Variants in DENND4C observed in about 807,000 individuals in gnomAD.
The protein encoded by DENND4C is DENN domain-containing protein 4C.
In DENND4C, 108 loss-of-function variants were observed where a neutral mutation model predicts 203.0. The observed-to-expected ratio is 0.53, with a 90% CI of 0.46 to 0.62. The LOEUF is 0.62. DENND4C is among the 20% of genes least tolerant of loss of function. The probability of loss-of-function intolerance (pLI) is 0.00; values close to 1 mark genes in which losing one functional copy is unlikely to be tolerated. For synonymous variants in DENND4C, 871 were observed against 792.4 expected (o/e 1.10, Z -1.67); for missense variants, 2,481 against 2,301.2 (o/e 1.08, Z -1.60).
intron 1 of DENND4C, among the ~76,000 whole-genome samples, chr9:19,231,416 A>G (rs1031104819): frequency 7.2e-5 from 11 of 152,036 alleles, no homozygotes; most frequent in Non-Finnish European, 1.6e-4. Flanking sequence ...TTTGTCGGGG[A>G]TGACTTTCTA....
chr9:19,252,923 G>C (rs778010789), intron 1 of DENND4C, among the ~76,000 whole-genome samples: 5 of 152,138 alleles, frequency 3.3e-5, no homozygotes, highest in Non-Finnish European at 7.3e-5. Flanking sequence ...TTTTAGTAGA[G>C]ATGGGGTTTT....
In DENND4C at chr9:19,359,356, C is replaced by T. The variant is rs932852685; in HGVS notation, c.5161-888C>T. On this transcript the variant is annotated intron_variant, in intron 28 of 32. Coordinates refer to ENST00000434457, the MANE Select transcript of DENND4C (RefSeq NM_001330640.2). Reference sequence around the variant, plus strand: ...TCAGCCTCCCTAATAACTGGAACCACAGGCACACACTACCATGCCTTAAAC... The same window carrying T: ...TCAGCCTCCCTAATAACTGGAACCATAGGCACACACTACCATGCCTTAAAC... Among the ~76,000 whole-genome samples, 10 of 151,812 alleles carry T rather than the reference C, an allele frequency of 6.6e-5. 1 individual carries two copies. The highest frequency in any genetic ancestry group is 2.4e-4 in the African/African-American group (10 of 41,104).
chr9:19,341,241 G>A (rs564680325), intron 21 of DENND4C, 127 bp downstream of exon 21: 2 of 674,922 alleles, frequency 3.0e-6, no homozygotes, highest in Admixed American at 7.7e-5. Flanking sequence ...CTAAGATGCT[G>A]TGTACTGTTA....
chr9:19,256,433 C>T (rs977678973), intron 1 of DENND4C, among the ~76,000 whole-genome samples: 8 of 150,872 alleles, frequency 5.3e-5, no homozygotes, highest in South Asian at 2.1e-4. Context: ...TCTCCTGTCG[C>T]AGCCTCCCGA....
At chr9:19,239,472 T>G (rs902841562) in intron 1 of DENND4C, among the ~76,000 whole-genome samples, 1 of 148,438 alleles carries the variant, frequency 6.7e-6, no homozygotes, top group Non-Finnish European at 1.5e-5. Flanking sequence ...TTTATATTCT[T>G]TTTTTTTTTT....
In DENND4C at chr9:19,315,608, TAC is replaced by T. The variant is rs539319961; in HGVS notation, c.1488-799_1488-798del. ...ATATATGTATGTGTGTGTATATATATACACACACACATATATTTTATATTTTC... is the reference window on the plus strand; with the variant it reads ...ATATATGTATGTGTGTGTATATATATACACACACATATATTTTATATTTTC... On this transcript the variant is annotated intron_variant, in intron 10 of 32. Coordinates refer to ENST00000434457, the MANE Select transcript of DENND4C (RefSeq NM_001330640.2). 2.9e-3 allele frequency among the ~76,000 whole-genome samples: 438 copies of T among 151,302 alleles called. 1 individual carries two copies. The highest frequency in any genetic ancestry group is 9.8e-3 in the African/African-American group (405 of 41,264).
chr9:19,283,114 A>C (rs1834456254), intron 2 of DENND4C, among the ~76,000 whole-genome samples: 1 of 151,882 alleles, frequency 6.6e-6, no homozygotes, highest in Non-Finnish European at 1.5e-5. Context: ...GCAATTCTGC[A>C]TTGGCCCCTT....
At chr9:19,260,365 T>C (rs1829044283) in intron 1 of DENND4C, among the ~76,000 whole-genome samples, 2 of 89,304 alleles carry the variant, frequency 2.2e-5, no homozygotes, top group South Asian at 7.5e-4. Context: ...TGTCCTTATA[T>C]GTTCTGGTTA....
intron 1 of DENND4C, among the ~76,000 whole-genome samples, chr9:19,270,684 A>C (rs2130820943): frequency 6.6e-6 from 1 of 152,252 alleles, no homozygotes; most frequent in African/African-American, 2.4e-5. Flanking sequence ...TCTATTGGTC[A>C]TTTGGGTATC....
At position 19,331,353 on chromosome 9, in the gene DENND4C, C is replaced by A. The variant is rs189322124; in HGVS notation, c.2254-625C>A. On this transcript the variant is annotated intron_variant, in intron 16 of 32. Coordinates refer to ENST00000434457, the MANE Select transcript of DENND4C (RefSeq NM_001330640.2). The stretch of plus-strand genomic sequence containing the variant: ...GAGTAGCTGGGACCACAGGCACATG[C>A]CACCATGCGCGGCTAATTTTTGTAT... 2.6e-5 allele frequency among the ~76,000 whole-genome samples: 4 copies of A among 152,050 alleles called. No individual in the cohort carries two copies. In the East Asian group the frequency reaches 5.9e-4, roughly 22 times the overall value.
chr9:19,262,448 CTTTT>C (rs59268086), intron 1 of DENND4C, among the ~76,000 whole-genome samples: 1 of 134,156 alleles, frequency 7.5e-6, no homozygotes. Flanking sequence ...TATATCATAT[CTTTT>C]TTTTTTTTTG....
intron 5 of DENND4C, among the ~76,000 whole-genome samples, chr9:19,295,371 G>T (rs1384508169): frequency 6.6e-6 from 1 of 152,194 alleles, no homozygotes; most frequent in Non-Finnish European, 1.5e-5. Flanking sequence ...TAGGTGTGGT[G>T]GTGGGCGCCT....
At chr9:19,235,888 G>C (rs1013573873) in intron 1 of DENND4C, among the ~76,000 whole-genome samples, 2 of 152,002 alleles carry the variant, frequency 1.3e-5, no homozygotes, top group Non-Finnish European at 2.9e-5. Flanking sequence ...GTGAGCCACT[G>C]CGCCTGGCCA....
chr9:19,261,464 T>TA (rs397893903), intron 1 of DENND4C, among the ~76,000 whole-genome samples: 59 of 149,952 alleles, frequency 3.9e-4, no homozygotes, highest in South Asian at 2.1e-4. Flanking sequence ...TTTTTTTTTT[T>TA]AAACAACTTT....
intron 27 of DENND4C, chr9:19,357,702 G>T: frequency 3.1e-6 from 1 of 325,542 alleles, no homozygotes; most frequent in Non-Finnish European, 5.6e-6. Flanking sequence ...GCAACTGAAT[G>T]GGTACTTTGT....
intron 10 of DENND4C, among the ~76,000 whole-genome samples, chr9:19,310,512 G>T (rs561655747): frequency 6.6e-6 from 1 of 152,340 alleles, no homozygotes; most frequent in East Asian, 1.9e-4. Context: ...GACAGAGACT[G>T]TATGGTCCTT....
Position 19,298,097 on chromosome 9 carries a change from C to T in DENND4C, c.1082C>T (p.Pro361Leu), listed in dbSNP as rs547547898. The change falls in exon 7 of 33, where the codon CCA becomes CTA. Residue 361 changes from proline to leucine, a missense_variant. Around this residue, in one of 3 missense-constraint regions of DENND4C, gnomAD observed 2,289 missense variants for 2,113.3 expected, o/e 1.08. Transcript: ENST00000434457. ...HFMQNIPFPS[P>L]QRPRILVQLS... ...ATGCAAAACATCCCTTTTCCTTCAC[C>T]ACAAAGACCGAGAATCCTTGTCCAG... The T allele has an allele frequency of 1.2e-6, 2 of 1,609,262 alleles. No individual in the cohort carries two copies. Among genetic ancestry groups the T allele is most frequent in the Admixed American group, 1.7e-5 (1 of 59,830 alleles).
chr9:19,369,996 C>T lies in DENND4C; in HGVS notation c.5675+9C>T. 1.2e-6 allele frequency: 2 copies of T among 1,612,102 alleles called. No individual in the cohort carries two copies. The highest frequency in any genetic ancestry group is 1.7e-6 in the Non-Finnish European group (2 of 1,179,326). On this transcript the variant is annotated intron_variant, in intron 31 of 32. Transcript: ENST00000434457. Reference sequence around the variant, plus strand: ...GGCATGAAAAGACAAAGGTAATAATCCAGTATTTTTTGCTTGCCACCACTC... The same window carrying T: ...GGCATGAAAAGACAAAGGTAATAATTCAGTATTTTTTGCTTGCCACCACTC...
Position 19,324,385 on chromosome 9 carries a change from G to A in DENND4C, c.1831G>A (p.Ala611Thr). The A allele has an allele frequency of 6.2e-7, 1 of 1,603,814 alleles. No individual in the cohort carries two copies. Among genetic ancestry groups the A allele is most frequent in the Non-Finnish European group, 8.5e-7 (1 of 1,177,490 alleles). ...AGGATTTTTAAAAAGTCGAGATCGT[G>A]CCTATGCAAAATTCTATACCCTTTT... ...RQGFLKSRDR[A>T]YAKFYTLLSK... is the part of the protein sequence containing the mutation. Residue 611 changes from alanine to threonine, a missense_variant, in exon 13 of 33, where the codon GCC becomes ACC. By Grantham distance (58) the Ala-to-Thr change is moderately conservative. Around this residue, in one of 3 missense-constraint regions of DENND4C, gnomAD observed 2,289 missense variants for 2,113.3 expected, o/e 1.08. Transcript: ENST00000434457.
Sources: gnomAD v4.1 joint callset for allele counts (sites outside exome capture counted in the v4.1 genomes callset) on GRCh38, gnomAD v4.1.1 for gene constraint, gnomAD v4.1.1 regional missense constraint, MANE v1.5 for transcripts, NCBI Gene and HGNC (gene_info 2026-07-23, HGNC 2026-07-21) for gene names.